The following ZC3H7B variants were observed in gnomAD, a reference collection of about 807,000 sequenced individuals.
The protein encoded by ZC3H7B is zinc finger CCCH-type containing 7B, also known as zinc finger CCCH domain-containing protein 7B.
ZC3H7B carries 35 observed loss-of-function variants against 116.0 expected under a neutral mutation model. The observed-to-expected ratio is 0.30, with a 90% confidence interval of 0.23 to 0.40. The LOEUF is 0.40. ZC3H7B is among the 10% of genes least tolerant of loss of function. The pLI is 1.00. For synonymous variants in ZC3H7B, 502 were observed against 545.6 expected, an observed-to-expected ratio of 0.92 and a Z score of 1.11; for missense variants, 1,011 against 1,321.5, an observed-to-expected ratio of 0.77 and a Z score of 3.64.
rs1601799406 is a variant in ZC3H7B, at chr22:41,356,351, A to G, written c.2392A>G (p.Met798Val). Reference protein sequence around the residue: ...TFMKENKILDMQQTYDMWLKK... With the variant: ...TFMKENKILDVQQTYDMWLKK... ...CCCTGTCCCCTGCCCAGTCCTGGAC[A>G]TGCAGCAGACCTATGACATGTGGCT... Residue 798 changes from methionine (M) to valine (V), a missense_variant, in exon 21 of 23, where the codon ATG (methionine) becomes GTG (valine). Met to Val is a conservative substitution (Grantham distance 21). Transcript: ENST00000352645. 1 of 1,614,140 alleles carries G rather than the reference A, an allele frequency of 6.2e-7. No homozygotes were observed. The highest frequency in any genetic ancestry group is 8.5e-7 in the Non-Finnish European group (1 of 1,180,018).
chr22:41,337,424 C>T (rs888440587), intron 7 of ZC3H7B, among the ~76,000 whole-genome samples: 11 of 152,210 alleles, frequency 7.2e-5, no homozygotes, highest in African/African-American at 2.4e-4. Flanking sequence ...TCCTGATAGC[C>T]TTCCCCAGCG....
At chr22:41,326,003 G>C in intron 4 of ZC3H7B, 85 bp downstream of exon 4, 1 of 1,477,352 alleles carries the variant, frequency 6.8e-7, no homozygotes, top group Non-Finnish European at 9.1e-7. Context: ...ACCCCAGTGA[G>C]CCTGTAGACC....
chr22:41,312,987 A>G (rs1447184585), intron 1 of ZC3H7B, among the ~76,000 whole-genome samples: 2 of 152,180 alleles, frequency 1.3e-5, no homozygotes, highest in Non-Finnish European at 2.9e-5. Flanking sequence ...TTCTGTGTCA[A>G]AGTGAAAGGA....
rs2036333346 is a variant in ZC3H7B at position 41,327,442 on chromosome 22, G to A, written c.444+78G>A. The A allele has an allele frequency of 1.9e-6, 3 of 1,543,972 alleles. No homozygotes were observed. Among genetic ancestry groups the A allele is most frequent in the South Asian group, 2.3e-5 (2 of 85,386 alleles). On this transcript the variant is annotated intron_variant, in intron 5 of 22. Transcript: ENST00000352645. This position sits in a 1 kb window ranked among gnomAD's most constrained non-coding sequence, Gnocchi z 4.5. Reference sequence around the variant, plus strand: ...ACCTTCCGGCCCTCACTTGGGCCCAGCCACCACATCCTTCTGTGTCTCACT... The same window carrying A: ...ACCTTCCGGCCCTCACTTGGGCCCAACCACCACATCCTTCTGTGTCTCACT...
At chr22:41,323,330 T>G (rs2036280679) in intron 2 of ZC3H7B, among the ~76,000 whole-genome samples, 1 of 152,202 alleles carries the variant, frequency 6.6e-6, no homozygotes, top group Admixed American at 6.6e-5. Context: ...GTGTTCCAAT[T>G]TATTCAGAGG....
intron 17 of ZC3H7B, among the ~76,000 whole-genome samples, chr22:41,352,184 T>A (rs1439535056): frequency 2.0e-5 from 3 of 152,238 alleles, no homozygotes; most frequent in African/African-American, 7.2e-5. Context: ...TTGCCTTGTG[T>A]TGCATTGAGG....
At chr22:41,340,264 G>C in intron 10 of ZC3H7B, 127 bp downstream of exon 10, 1 of 1,012,754 alleles carries the variant, frequency 9.9e-7, no homozygotes, top group South Asian at 1.7e-5. Context: ...AGCAATCCCA[G>C]GCCATGTCTG....
intron 20 of ZC3H7B, 31 bp downstream of exon 20, chr22:41,356,093 C>A: frequency 1.3e-6 from 2 of 1,532,550 alleles, no homozygotes; most frequent in Non-Finnish European, 1.8e-6. Context: ...GGCGGGCCCT[C>A]CCCCGGTGTC....
intron 1 of ZC3H7B, among the ~76,000 whole-genome samples, chr22:41,318,401 C>T (rs2036210767): frequency 6.6e-6 from 1 of 151,882 alleles, no homozygotes; most frequent in Non-Finnish European, 1.5e-5. Flanking sequence ...TGGTGGCAGG[C>T]GCCTGTAGTC....
At chr22:41,301,798 C>A (rs1601753737) in intron 1 of ZC3H7B, 26 bp downstream of exon 1, 1 of 152,104 alleles carries the variant, frequency 6.6e-6, no homozygotes, top group African/African-American at 2.4e-5. Flanking sequence ...GGCCCGAGCC[C>A]CGCGGGGCAG....
At chr22:41,340,834 A>C (rs1050461707) in intron 10 of ZC3H7B, among the ~76,000 whole-genome samples, 3 of 152,058 alleles carry the variant, frequency 2.0e-5, no homozygotes, top group African/African-American at 7.2e-5. Context: ...CAAGCTAAGG[A>C]ACTTGGGCTT....
chr22:41,320,833 G>A, intron 2 of ZC3H7B, 120 bp downstream of exon 2: 1 of 1,360,096 alleles, frequency 7.4e-7, no homozygotes, highest in Non-Finnish European at 1.0e-6. Context: ...AGGCTCCTGT[G>A]TGCGCTGGGG....
intron 14 of ZC3H7B, among the ~76,000 whole-genome samples, chr22:41,347,604 C>T (rs1220755546): frequency 1.3e-5 from 2 of 152,154 alleles, no homozygotes; most frequent in South Asian, 4.1e-4. Context: ...GCTCCAGGTC[C>T]GGGTTGCTGG....
In ZC3H7B at chr22:41,358,430, C is replaced by G. The variant is rs781366990; in HGVS notation, c.*1001C>G. 3 of 152,404 alleles carry G rather than the reference C, an allele frequency of 2.0e-5. No homozygotes were observed. Among genetic ancestry groups the G allele is most frequent in the African/African-American group, 4.8e-5 (2 of 41,402 alleles). The allele number at this position is 152,404 out of a possible 1,614,324, so 9.4% of individuals were successfully genotyped here. The stretch of plus-strand genomic sequence containing the variant: ...TGGGTGCAGCAGCAGAGGTCACCTC[C>G]TGACATGCGCTCTGGGAAAGGTGGC... On this transcript the variant is annotated 3_prime_UTR_variant, in exon 23 of 23. Coordinates refer to ENST00000352645, the MANE Select transcript of ZC3H7B (RefSeq NM_017590.6).
chr22:41,333,449 A>C (rs1012046017), intron 7 of ZC3H7B: 1 of 152,154 alleles, frequency 6.6e-6, no homozygotes, highest in Admixed American at 6.5e-5. Context: ...AACATAATGA[A>C]ACCCCATCCC....
chr22:41,354,304 C>A (rs989262578), intron 17 of ZC3H7B, among the ~76,000 whole-genome samples: 1 of 152,236 alleles, frequency 6.6e-6, no homozygotes, highest in Non-Finnish European at 1.5e-5. Flanking sequence ...CCACTTGTTG[C>A]CTGCTCCAGT....
In ZC3H7B at chr22:41,346,480, G is replaced by A. The variant is rs575182580; in HGVS notation, c.1665+272G>A. Reference sequence around the variant, plus strand: ...ATAACCCTCACACCTGCTCTTTTCTGACAGCCAGTCATAGGCAGGGCTTGG... The same window carrying A: ...ATAACCCTCACACCTGCTCTTTTCTAACAGCCAGTCATAGGCAGGGCTTGG... On this transcript the variant is annotated intron_variant, in intron 14 of 22. Transcript: ENST00000352645. The surrounding 1 kb of genome is among the most constrained non-coding windows in gnomAD (Gnocchi z 5.3). 2.3e-4 allele frequency among the ~76,000 whole-genome samples: 35 copies of A among 152,350 alleles called. No homozygotes were observed. The highest frequency in any genetic ancestry group is 4.6e-4 in the Non-Finnish European group (31 of 68,032).
intron 7 of ZC3H7B, chr22:41,333,453 C>T (rs889966812): frequency 7.8e-4 from 118 of 152,172 alleles, no homozygotes; most frequent in African/African-American, 2.7e-3. Context: ...TAATGAAACC[C>T]CATCCCTGCC....
At position 41,332,176 on chromosome 22, in the gene ZC3H7B, G is replaced by A; in HGVS notation, c.531G>A (p.Leu177=). The part of the protein sequence containing the change: ...VRKAYKRPQE[L]ETFSLLSNGT... ...CTCTCTCCAATCTCTGGCAGGAATT[G>A]GAAACCTTTTCTCTGCTCAGTAACG... is the stretch of plus-strand genomic sequence containing the variant. The change falls in exon 7 of 23, where the codon TTG becomes TTA. Residue 177 remains leucine (L), a synonymous_variant. Transcript: ENST00000352645. The A allele has an allele frequency of 6.2e-7, 1 of 1,614,162 alleles. No individual in the cohort carries two copies. Among genetic ancestry groups the A allele is most frequent in the Non-Finnish European group, 8.5e-7 (1 of 1,180,014 alleles).
Sources: gnomAD v4.1 joint callset for allele counts (sites outside exome capture counted in the v4.1 genomes callset) on GRCh38, gnomAD v4.1.1 for gene constraint, Gnocchi (gnomAD v3.1) non-coding constraint, MANE v1.5 for transcripts, NCBI Gene and HGNC (gene_info 2026-07-23, HGNC 2026-07-21) for gene names.